The following TUBA1C variants were observed in gnomAD, a reference collection of about 807,000 sequenced individuals.
TUBA1C encodes tubulin alpha-1C chain.
Under a neutral mutation model 34.9 loss-of-function variants are expected in TUBA1C, and 16 were observed. The observed-to-expected ratio is 0.46, with a 90% CI of 0.31 to 0.70. The LOEUF (loss-of-function observed/expected upper bound fraction) is 0.70. Among genes scored for constraint, TUBA1C ranks in the 30% least tolerant of loss-of-function variants. The pLI, the probability that TUBA1C is intolerant of heterozygous loss-of-function variation, is 0.05. For missense variants in TUBA1C, 329 were observed against 587.3 expected (o/e 0.56, Z 4.55); for synonymous variants, 177 against 215.9 (o/e 0.82, Z 1.58).
intron 1 of TUBA1C, among the ~76,000 whole-genome samples, chr12:49,255,929 G>A (rs1015251894): frequency 4.8e-4 from 73 of 152,276 alleles, no homozygotes; most frequent in African/African-American, 1.8e-3. Flanking sequence ...GCTGACATCT[G>A]TATTCCCAGC....
chr12:49,271,970 GC>G (rs1006615657), intron 3 of TUBA1C, among the ~76,000 whole-genome samples: 1 of 146,296 alleles, frequency 6.8e-6, no homozygotes, highest in African/African-American at 2.6e-5. Context: ...GCACTTAAAA[GC>G]TTTTTTTTTT....
chr12:49,240,187 A>G (rs1942599038), intron 1 of TUBA1C, among the ~76,000 whole-genome samples: 1 of 151,776 alleles, frequency 6.6e-6, no homozygotes, highest in Non-Finnish European at 1.5e-5. Flanking sequence ...CAGGATTCAA[A>G]TATTTATGTT....
At chr12:49,251,457 T>C (rs11168936) in intron 1 of TUBA1C, among the ~76,000 whole-genome samples, 73,302 of 151,912 alleles carry the variant, frequency 0.48, 19,614 homozygotes, top group East Asian at 0.83. Context: ...AAAAGTCGTC[T>C]GCAAACCAAA....
chr12:49,263,023 CTTTTTTT>C (rs758187649), upstream of TUBA1C, among the ~76,000 whole-genome samples: 4 of 117,110 alleles, frequency 3.4e-5, no homozygotes, highest in Non-Finnish European at 5.1e-5. Context: ...GAGAATTACT[CTTTTTTT>C]TTTTTTTTTT....
chr12:49,246,985 C>T (rs1017931666), intron 1 of TUBA1C, among the ~76,000 whole-genome samples: 15 of 150,094 alleles, frequency 1.0e-4, no homozygotes, highest in African/African-American at 3.7e-4. Context: ...ACTAAAAATA[C>T]AAAAATTAGC....
chr12:49,253,221 A>G (rs976188693), intron 1 of TUBA1C, among the ~76,000 whole-genome samples: 2 of 152,082 alleles, frequency 1.3e-5, no homozygotes, highest in Admixed American at 1.3e-4. Context: ...CTCTCGGCAT[A>G]CCACAGCCAT....
At position 49,273,172 on chromosome 12, in the gene TUBA1C, A is replaced by T. The variant is rs1408694133; in HGVS notation, c.1295A>T (p.Tyr432Phe). 2 of 1,614,204 alleles carry T rather than the reference A, an allele frequency of 1.2e-6. No homozygotes were observed. Among genetic ancestry groups the T allele is most frequent in the East Asian group, 2.2e-5 (1 of 44,894 alleles). Residue 432 changes from tyrosine (Y) to phenylalanine (F), a missense_variant, in exon 4 of 4, where the codon TAT becomes TTT. Around this residue, in one of 4 missense-constraint regions of TUBA1C, gnomAD observed 34 missense variants for 31.8 expected, o/e 1.07. Transcript: ENST00000301072. ...GACATGGCTGCCCTTGAGAAGGATTATGAGGAGGTTGGAGCAGATAGTGCT... is the reference window on the plus strand; with the variant it reads ...GACATGGCTGCCCTTGAGAAGGATTTTGAGGAGGTTGGAGCAGATAGTGCT... ...REDMAALEKD[Y>F]EEVGADSADG... is the part of the protein sequence containing the mutation.
At chr12:49,229,614 A>G (rs974807943) in intron 1 of TUBA1C, among the ~76,000 whole-genome samples, 2 of 151,982 alleles carry the variant, frequency 1.3e-5, no homozygotes, top group African/African-American at 4.8e-5. Context: ...CCTCTCCCCA[A>G]AGAAACCCCT....
Position 49,272,351 on chromosome 12 carries a change from A to C in TUBA1C, c.474A>C (p.Ser158=), listed in dbSNP as rs978664272. ...CCTCGCTGCTCATGGAACGTCTCTC[A>C]GTTGATTATGGCAAGAAGTCCAAGC... ...GFTSLLMERL[S]VDYGKKSKLE... The change falls in exon 4 of 4, where the codon TCA becomes TCC. Residue 158 remains serine (S), a synonymous_variant. Transcript: ENST00000301072. 8 of 1,613,922 alleles carry C rather than the reference A, an allele frequency of 5.0e-6. No individual in the cohort carries two copies. Among genetic ancestry groups the C allele is most frequent in the African/African-American group, 4.0e-5 (3 of 74,862 alleles).
chr12:49,255,858 G>A (rs190495184), intron 1 of TUBA1C, among the ~76,000 whole-genome samples: 5 of 152,238 alleles, frequency 3.3e-5, no homozygotes, highest in Admixed American at 1.3e-4. Flanking sequence ...GAGCCACCAC[G>A]CCCAGCCAGA....
intron 1 of TUBA1C, among the ~76,000 whole-genome samples, chr12:49,259,515 G>A (rs892910329): frequency 1.3e-5 from 2 of 152,108 alleles, no homozygotes; most frequent in Non-Finnish European, 2.9e-5. Context: ...GAGCCACCAC[G>A]CCCAACCTAG....
At chr12:49,258,429 G>T (rs1942808202) in intron 1 of TUBA1C, among the ~76,000 whole-genome samples, 1 of 151,730 alleles carries the variant, frequency 6.6e-6, no homozygotes, top group Non-Finnish European at 1.5e-5. Context: ...TTTATGTTTT[G>T]TTTTTTGTTT....
chr12:49,249,449 A>G (rs923426966), intron 1 of TUBA1C, among the ~76,000 whole-genome samples: 3 of 152,194 alleles, frequency 2.0e-5, no homozygotes, highest in Non-Finnish European at 2.9e-5. Context: ...ATAAATAAAC[A>G]AAAGATCAAA....
At chr12:49,269,046 G>C (rs1199243266) in intron 1 of TUBA1C, among the ~76,000 whole-genome samples, 1 of 152,144 alleles carries the variant, frequency 6.6e-6, no homozygotes, top group African/African-American at 2.4e-5. Context: ...CTGAGCAGGA[G>C]TGGCCTGCTG....
intron 1 of TUBA1C, among the ~76,000 whole-genome samples, chr12:49,230,910 G>A (rs1034829480): frequency 2.6e-5 from 4 of 152,148 alleles, no homozygotes; most frequent in Non-Finnish European, 4.4e-5. Flanking sequence ...GAAAATAAGC[G>A]TAATCCTAAT....
chr12:49,233,993 TGGAGAAAGGTG>T (rs1157705180), intron 1 of TUBA1C: 1 of 151,940 alleles, frequency 6.6e-6, no homozygotes, highest in Non-Finnish European at 1.5e-5. Flanking sequence ...CAGCCATAGG[TGGAGAAAGGTG>T]GTACCACAAG....
At chr12:49,243,713 A>T (rs1004888125) in intron 1 of TUBA1C, among the ~76,000 whole-genome samples, 1 of 152,052 alleles carries the variant, frequency 6.6e-6, no homozygotes, top group Non-Finnish European at 1.5e-5. Flanking sequence ...TTTGCTGTGA[A>T]GGCTAAGAGG....
At chr12:49,271,109 A>G (rs781695961) in intron 3 of TUBA1C, among the ~76,000 whole-genome samples, 11 of 152,222 alleles carry the variant, frequency 7.2e-5, no homozygotes, top group Non-Finnish European at 1.5e-4. Context: ...TTTATTGCCT[A>G]CCAAAACAAT....
intron 3 of TUBA1C, 32 bp from the exon 4 acceptor site, chr12:49,272,200 GAACACTAAATGAAACTTTCGC>G: frequency 2.6e-6 from 4 of 1,548,668 alleles, no homozygotes; most frequent in Non-Finnish European, 3.5e-6. Flanking sequence ...CACCAAATGT[GAACACTAAATGAAACTTTCGC>G]AACACTAAAA....
Sources: gnomAD v4.1 joint callset for allele counts (sites outside exome capture counted in the v4.1 genomes callset) on GRCh38, gnomAD v4.1.1 for gene constraint, gnomAD v4.1.1 regional missense constraint, MANE v1.5 for transcripts, NCBI Gene and HGNC (gene_info 2026-07-23, HGNC 2026-07-21) for gene names.